E4F1: variants seen among roughly 807,000 people sequenced by gnomAD.
E4F1 encodes the protein transcription factor E4F1.
A neutral mutation model predicts 72.9 loss-of-function variants in E4F1; 30 were observed. That is an observed-to-expected ratio of 0.41 (90% CI 0.31 to 0.56). E4F1 has a LOEUF of 0.56. E4F1 is among the 20% of genes least tolerant of loss of function. The pLI is 0.25. For synonymous variants in E4F1, 542 were observed against 478.2 expected, an observed-to-expected ratio of 1.13 and a Z score of -1.74; for missense variants, 1,091 against 1,117.5, an observed-to-expected ratio of 0.98 and a Z score of 0.34.
At chr16:2,228,249 A>G (rs1217834551) in intron 1 of E4F1, 123 bp from the exon 2 acceptor site, 3 of 1,296,568 alleles carry the variant, frequency 2.3e-6, no homozygotes, top group Non-Finnish European at 3.3e-6. Context: ...AGCCTGGGGA[A>G]GTAGCTCTGC....
chr16:2,234,964 C>T lies in E4F1; in HGVS notation c.1898C>T (p.Ser633Leu), dbSNP rs767312846. The T allele has an allele frequency of 5.6e-6, 9 of 1,598,346 alleles. No individual in the cohort carries two copies. Among genetic ancestry groups the T allele is most frequent in the Non-Finnish European group, 6.8e-6 (8 of 1,172,786 alleles). ...CCGCACACAGTGTTGGTGGAGTTCT[C>T]GTCCGTGGTAGCTGACACCCAGGAG... ...EDPHTVLVEF[S>L]SVVADTQEYI... is the part of the protein sequence containing the mutation. Residue 633 changes from serine to leucine, a missense_variant, in exon 12 of 14, where the codon TCG (serine) becomes TTG (leucine). Around this residue, in one of 5 missense-constraint regions of E4F1, gnomAD observed 622 missense variants for 628.0 expected, o/e 0.99. Coordinates refer to ENST00000301727, the MANE Select transcript of E4F1 (RefSeq NM_004424.5).
chr16:2,231,824 G>A (rs916064696), intron 3 of E4F1: 8 of 273,898 alleles, frequency 2.9e-5, no homozygotes, highest in African/African-American at 1.4e-4. Context: ...CAGGACAGGC[G>A]GCTGTCTCTT....
Position 2,233,607 on chromosome 16 carries a change from C to G in E4F1, c.1226C>G (p.Ala409Gly). The G allele has an allele frequency of 1.3e-6, 2 of 1,509,710 alleles. No homozygotes were observed. Among genetic ancestry groups the G allele is most frequent in the East Asian group, 2.5e-5 (1 of 40,572 alleles). The allele number at this position is 1,509,710 out of a possible 1,614,324, so 93.5% of individuals were successfully genotyped here. The change falls in exon 8 of 14, where the codon GCC becomes GGC. Residue 409 changes from alanine to glycine, a missense_variant. Around this residue, in one of 5 missense-constraint regions of E4F1, gnomAD observed 622 missense variants for 628.0 expected, o/e 0.99. Transcript: ENST00000301727. ...AGTCCCCAGCCCCTGGCAGTGGCAG[C>G]CCCGCAGCTGCCGGTACTGGAAGTG... is the stretch of plus-strand genomic sequence containing the variant. ...GSSPQPLAVA[A>G]PQLPVLEVQP...
chr16:2,226,259 G>T (rs1419052240), intron 1 of E4F1, among the ~76,000 whole-genome samples: 1 of 152,212 alleles, frequency 6.6e-6, no homozygotes, highest in African/African-American at 2.4e-5. Context: ...TCATGGCGAG[G>T]AGTCCCTTTA....
intron 8 of E4F1, 79 bp downstream of exon 8, chr16:2,233,726 GA>G: frequency 6.8e-7 from 1 of 1,476,428 alleles, no homozygotes; most frequent in South Asian, 1.3e-5. Context: ...TCGCCTCCCT[GA>G]AGTGGCTTTC....
At position 2,234,986 on chromosome 16, in the gene E4F1, G is replaced by T; in HGVS notation, c.1920G>T (p.Gln640His). 6.2e-7 allele frequency: 1 copy of T among 1,609,750 alleles called. No individual in the cohort carries two copies. The highest frequency in any genetic ancestry group is 8.5e-7 in the Non-Finnish European group (1 of 1,178,588). The change falls in exon 12 of 14, where the codon CAG (glutamine) becomes CAT (histidine). Residue 640 changes from glutamine (Q) to histidine (H), a missense_variant. Coordinates refer to ENST00000301727, the MANE Select transcript of E4F1 (RefSeq NM_004424.5). ...TCTCGTCCGTGGTAGCTGACACCCA[G>T]GAGTATATCATCGAGGTGGGTGTGG... is the stretch of plus-strand genomic sequence containing the variant. ...VEFSSVVADT[Q>H]EYIIEATADD...
intron 4 of E4F1, 33 bp downstream of exon 4, chr16:2,232,397 T>C: frequency 6.2e-7 from 1 of 1,602,080 alleles, no homozygotes; most frequent in Non-Finnish European, 8.5e-7. Context: ...AGTGTGTGGG[T>C]GGCAGGCCCC....
Position 2,233,630 on chromosome 16 carries a change from G to T in E4F1, c.1249G>T (p.Val417Leu). Residue 417 changes from valine (V) to leucine (L), a missense_variant, in exon 8 of 14, where the codon GTG (valine) becomes TTG (leucine). Around this residue, in one of 5 missense-constraint regions of E4F1, gnomAD observed 622 missense variants for 628.0 expected, o/e 0.99. Transcript: ENST00000301727. ...VAAPQLPVLE[V>L]QPLETQVASE... ...AGCCCCGCAGCTGCCGGTACTGGAA[G>T]TGCAGCCGCTGGAGACAGTAGGTGC... is the stretch of plus-strand genomic sequence containing the variant. 2 of 1,521,814 alleles carry T rather than the reference G, an allele frequency of 1.3e-6. No individual in the cohort carries two copies. The allele number at this position is 1,521,814 out of a possible 1,614,324, so 94.3% of individuals were successfully genotyped here.
rs761640771 is a variant in E4F1, at chr16:2,223,785, C to T, written c.157+15C>T. The T allele has an allele frequency of 2.7e-5, 41 of 1,538,960 alleles. No homozygotes were observed. The East Asian group carries it at 4.7e-4, about 18-fold the overall frequency. On this transcript the variant is annotated intron_variant, in intron 1 of 13. Transcript: ENST00000301727. ...CAGCGAGGAAGGTAACCGGGCCGAC[C>T]CGGAGGGTGCGGCCGGGGTGCGGGC... is the stretch of plus-strand genomic sequence containing the variant.
At position 2,234,994 on chromosome 16, in the gene E4F1, T is replaced by C. The variant is rs1159313513; in HGVS notation, c.1928T>C (p.Ile643Thr). The C allele has an allele frequency of 6.2e-7, 1 of 1,610,552 alleles. No homozygotes were observed. The highest frequency in any genetic ancestry group is 8.5e-7 in the Non-Finnish European group (1 of 1,178,988). The change falls in exon 12 of 14, where the codon ATC becomes ACC. Residue 643 changes from isoleucine (I) to threonine (T), a missense_variant. Transcript: ENST00000301727. ...SSVVADTQEY[I>T]IEATADDAET... ...GTGGTAGCTGACACCCAGGAGTATA[T>C]CATCGAGGTGGGTGTGGGGCCCTGG...
chr16:2,223,865 C>A, intron 1 of E4F1, 95 bp downstream of exon 1: 1 of 1,531,132 alleles, frequency 6.5e-7, no homozygotes, highest in Non-Finnish European at 8.7e-7. Context: ...GCTCGACCGA[C>A]CCTCCCAGAC....
intron 1 of E4F1, among the ~76,000 whole-genome samples, chr16:2,225,909 C>G (rs1381072832): frequency 2.0e-5 from 3 of 151,256 alleles, no homozygotes; most frequent in Non-Finnish European, 4.4e-5. Context: ...CCCTGGCTAA[C>G]AGGTGAAACC....
At chr16:2,234,108 G>A (rs1225727672) in intron 9 of E4F1, 63 bp from the exon 10 acceptor site, 4 of 1,583,746 alleles carry the variant, frequency 2.5e-6, no homozygotes, top group African/African-American at 1.3e-5. Context: ...CTGTGGGCAG[G>A]TGGCAGGCGG....
At position 2,232,474 on chromosome 16, in the gene E4F1, CA is replaced by C; in HGVS notation, c.629del (p.His210ProfsTer54). The part of the protein sequence containing the change: ...TFKTGSILKA[H>X]MVTHSSRKDH... ...CCCACAGGGCAGCATCCTCAAGGCC[CA>C]CATGGTCACTCACAGCAGCCGCAAG... On this transcript the variant is annotated frameshift_variant, in exon 5 of 14. Coordinates refer to ENST00000301727, the MANE Select transcript of E4F1 (RefSeq NM_004424.5). LOFTEE classifies it high-confidence loss of function. 1 of 1,611,006 alleles carries C rather than the reference CA, an allele frequency of 6.2e-7. No homozygotes were observed. The highest frequency in any genetic ancestry group is 8.5e-7 in the Non-Finnish European group (1 of 1,179,222).
At chr16:2,225,496 G>T (rs531668569) in intron 1 of E4F1, among the ~76,000 whole-genome samples, 8 of 148,790 alleles carry the variant, frequency 5.4e-5, no homozygotes. Flanking sequence ...TTTTTGAGAC[G>T]GCGTTTCTCT....
At position 2,233,190 on chromosome 16, in the gene E4F1, G is replaced by A. The variant is rs761884575; in HGVS notation, c.1056+7G>A. The A allele has an allele frequency of 1.3e-6, 2 of 1,593,278 alleles. No individual in the cohort carries two copies. Among genetic ancestry groups the A allele is most frequent in the South Asian group, 2.2e-5 (2 of 89,340 alleles). ...GAAAGCCCTGGCCCCAGAGGTGGGG[G>A]CGACGGGGGGCCCCGGAGGGCTGCT... On this transcript the variant is annotated splice_region_variant and intron_variant, in intron 7 of 13. Coordinates refer to ENST00000301727, the MANE Select transcript of E4F1 (RefSeq NM_004424.5).
In E4F1 at chr16:2,235,642, C is replaced by G; in HGVS notation, c.*70C>G. On this transcript the variant is annotated 3_prime_UTR_variant, in exon 14 of 14. Coordinates refer to ENST00000301727, the MANE Select transcript of E4F1 (RefSeq NM_004424.5). ...ACTCTGAGCGCCCCACCCATGCCTG[C>G]CTGGCCTGGTAGAGAAGATGGCACA... is the stretch of plus-strand genomic sequence containing the variant. 5 of 1,352,872 alleles carry G rather than the reference C, an allele frequency of 3.7e-6. No individual in the cohort carries two copies. The highest frequency in any genetic ancestry group is 5.0e-6 in the Non-Finnish European group (5 of 1,003,142). The allele number at this position is 1,352,872 out of a possible 1,614,324, so 83.8% of individuals were successfully genotyped here. A position where few individuals can be genotyped will look rare whatever the true frequency, so the allele number is the denominator to read the frequency against.
chr16:2,227,996 C>T (rs1046138767), intron 1 of E4F1, among the ~76,000 whole-genome samples: 11 of 152,072 alleles, frequency 7.2e-5, no homozygotes, highest in African/African-American at 2.7e-4. Flanking sequence ...CTTTACTGTC[C>T]CCAAATTAGC....
Position 2,232,566 on chromosome 16 carries a change from G to A in E4F1, c.720G>A (p.Arg240=). 1 of 1,612,284 alleles carries A rather than the reference G, an allele frequency of 6.2e-7. No individual in the cohort carries two copies. Among genetic ancestry groups the A allele is most frequent in the Non-Finnish European group, 8.5e-7 (1 of 1,179,704 alleles). Residue 240 remains arginine, a synonymous_variant, in exon 5 of 14, where the codon CGG becomes CGA. Coordinates refer to ENST00000301727, the MANE Select transcript of E4F1 (RefSeq NM_004424.5). ...AGGGCTCACTCATCCGGCACCACCGGCGGCACACGGGTGAGCTGGCCGCAC... is the reference window on the plus strand; with the variant it reads ...AGGGCTCACTCATCCGGCACCACCGACGGCACACGGGTGAGCTGGCCGCAC... ...RTKGSLIRHH[R]RHTDERPYKC... is the part of the protein sequence containing the mutation.
Sources: gnomAD v4.1 joint callset for allele counts (sites outside exome capture counted in the v4.1 genomes callset) on GRCh38, gnomAD v4.1.1 for gene constraint, gnomAD v4.1.1 regional missense constraint, MANE v1.5 for transcripts, NCBI Gene and HGNC (gene_info 2026-07-23, HGNC 2026-07-21) for gene names.